Variants in RBFOX1 observed in about 807,000 individuals in gnomAD.
RBFOX1 encodes the protein RNA binding fox-1 homolog 1.
In RBFOX1, 8 loss-of-function variants were observed where a neutral mutation model predicts 57.7. That is an observed-to-expected ratio of 0.14 (90% CI 0.08 to 0.25). RBFOX1 has a LOEUF of 0.25. RBFOX1 is among the 10% of genes least tolerant of loss of function. RBFOX1 has a pLI of 1.00. For synonymous variants in RBFOX1, 326 were observed against 222.4 expected (o/e 1.47, Z -4.15); for missense variants, 611 against 548.5 (o/e 1.11, Z -1.14).
At chr16:6,686,259 G>C (rs574742812) in intron 3 of RBFOX1, among the ~76,000 whole-genome samples, 1 of 152,266 alleles carries the variant, frequency 6.6e-6, no homozygotes, top group South Asian at 2.1e-4. Context: ...ACAGTGGTCA[G>C]GGCCATTCAT....
At chr16:6,005,438 C>A (rs983004412) in intron 4 of RBFOX1, among the ~76,000 whole-genome samples, 1 of 152,156 alleles carries the variant, frequency 6.6e-6, no homozygotes, top group Non-Finnish European at 1.5e-5. Flanking sequence ...GTCCCTGCCC[C>A]CAAGGAGCTC....
At chr16:6,267,720 A>G (rs1049848733) in intron 1 of RBFOX1, among the ~76,000 whole-genome samples, 1 of 152,110 alleles carries the variant, frequency 6.6e-6, no homozygotes, top group Non-Finnish European at 1.5e-5. Flanking sequence ...CCTTTTTCCC[A>G]TGAAAGAGTC....
In RBFOX1 at chr16:6,715,686, G is replaced by C. The variant is rs4786923; in HGVS notation, c.-16+61036G>C. Among the ~76,000 whole-genome samples the C allele has an allele frequency of 7.2e-5, 11 of 152,104 alleles. No individual in the cohort carries two copies. The East Asian group carries it at 2.1e-3, about 29-fold the overall frequency. On this transcript the variant is annotated intron_variant, in intron 3 of 15. Transcript: ENST00000550418. ...AAACCCATTTCTTGAAGATGAAGCAGCCCACCTGGCCCAGAAATGCCTGGT... is the reference window on the plus strand; with the variant it reads ...AAACCCATTTCTTGAAGATGAAGCACCCCACCTGGCCCAGAAATGCCTGGT...
intron 2 of RBFOX1, among the ~76,000 whole-genome samples, chr16:6,522,076 G>C (rs2096511132): frequency 6.6e-6 from 1 of 151,844 alleles, no homozygotes; most frequent in Non-Finnish European, 1.5e-5. Context: ...CTTGCATCTA[G>C]AAAAACTGGC....
At chr16:5,299,997 A>G (rs1328584725) in intron 1 of RBFOX1, among the ~76,000 whole-genome samples, 2 of 151,688 alleles carry the variant, frequency 1.3e-5, no homozygotes, top group Admixed American at 6.6e-5. Flanking sequence ...TTTTATAAAA[A>G]TCATGAATGG....
intron 2 of RBFOX1, among the ~76,000 whole-genome samples, chr16:5,597,743 C>G (rs187892969): frequency 8.9e-4 from 135 of 152,128 alleles, no homozygotes; most frequent in African/African-American, 3.1e-3. Context: ...TTGATGGTGG[C>G]CAGCTTTAAC....
intron 1 of RBFOX1, among the ~76,000 whole-genome samples, chr16:6,090,589 A>G (rs1215033816): frequency 2.0e-5 from 3 of 152,226 alleles, no homozygotes; most frequent in Non-Finnish European, 4.4e-5. Context: ...ATGACTTTGT[A>G]GATCAATGAG....
At chr16:6,949,983 G>C (rs945797605) in intron 3 of RBFOX1, among the ~76,000 whole-genome samples, 2 of 150,238 alleles carry the variant, frequency 1.3e-5, no homozygotes, top group African/African-American at 4.9e-5. Context: ...GTCTTGCTCT[G>C]TTGCCCAGGC....
chr16:7,286,557 T>C (rs2095655442), intron 4 of RBFOX1, among the ~76,000 whole-genome samples: 1 of 150,696 alleles, frequency 6.6e-6, no homozygotes, highest in Admixed American at 6.7e-5. Flanking sequence ...CAAGCAACTT[T>C]CCCTGCCTCA....
At chr16:6,640,961 A>C (rs1375766749) in intron 2 of RBFOX1, among the ~76,000 whole-genome samples, 1 of 152,158 alleles carries the variant, frequency 6.6e-6, no homozygotes, top group African/African-American at 2.4e-5. Context: ...ATGCTACTCA[A>C]ATGGAAGGCC....
At chr16:7,615,101 A>G (rs1489778500) in intron 10 of RBFOX1, 2 of 152,298 alleles carry the variant, frequency 1.3e-5, no homozygotes, top group African/African-American at 4.8e-5. Flanking sequence ...TGGGAGGCCA[A>G]GGCGGGTGGA....
intron 4 of RBFOX1, among the ~76,000 whole-genome samples, chr16:6,000,088 T>G (rs2060570493): frequency 6.6e-6 from 1 of 151,960 alleles, no homozygotes; most frequent in Non-Finnish European, 1.5e-5. Flanking sequence ...GAGAAGGGTG[T>G]GTCTGCCAAG....
At position 6,874,836 on chromosome 16, in the gene RBFOX1, C is replaced by G. The variant is rs371499175; in HGVS notation, c.-15-177221C>G. ...CATACTGATTGGGTGATGGGTGCAT[C>G]AAAATCTCAGAAATGACACCCAATG... On this transcript the variant is annotated intron_variant, in intron 3 of 15. Transcript: ENST00000550418. Among the ~76,000 whole-genome samples, 5 of 152,186 alleles carry G rather than the reference C, an allele frequency of 3.3e-5. No homozygotes were observed. The South Asian group carries it at 8.3e-4, about 25-fold the overall frequency.
rs1042936292 is a variant in RBFOX1 at position 7,712,292 on chromosome 16, A to C, written c.*1547A>C. 2.6e-5 allele frequency: 4 copies of C among 152,752 alleles called. No individual in the cohort carries two copies. The highest frequency in any genetic ancestry group is 9.6e-5 in the African/African-American group (4 of 41,578). The allele number at this position is 152,752 out of a possible 1,614,324, so 9.5% of individuals were successfully genotyped here. ...CCATAGGTTAAGTCCTCATGTGTAC[A>C]GTGCAGGCCCTGTGGCCCGCACTTC... On this transcript the variant is annotated 3_prime_UTR_variant, in exon 16 of 16. Transcript: ENST00000550418.
At chr16:7,621,861 A>T (rs2059367871) in intron 10 of RBFOX1, among the ~76,000 whole-genome samples, 1 of 152,228 alleles carries the variant, frequency 6.6e-6, no homozygotes, top group Admixed American at 6.5e-5. Context: ...TCTGCAGGCC[A>T]TAAGGTCTCT....
At chr16:6,407,477 C>T (rs933108264) in intron 2 of RBFOX1, among the ~76,000 whole-genome samples, 3 of 151,496 alleles carry the variant, frequency 2.0e-5, no homozygotes, top group East Asian at 1.9e-4. Context: ...TTTATACACA[C>T]ACACATATAT....
At chr16:5,274,169 C>A (rs1378227635) in intron 1 of RBFOX1, among the ~76,000 whole-genome samples, 1 of 152,158 alleles carries the variant, frequency 6.6e-6, no homozygotes, top group African/African-American at 2.4e-5. Context: ...GCCTTGTGTT[C>A]TTCCTAATTT....
intron 3 of RBFOX1, among the ~76,000 whole-genome samples, chr16:5,612,729 G>T (rs1373947100): frequency 1.3e-5 from 2 of 152,328 alleles, no homozygotes; most frequent in Non-Finnish European, 2.9e-5. Flanking sequence ...CTAAAAGATA[G>T]CCAGAGTAGC....
intron 3 of RBFOX1, among the ~76,000 whole-genome samples, chr16:5,863,599 A>G (rs541117112): frequency 5.9e-5 from 9 of 152,304 alleles, no homozygotes; most frequent in African/African-American, 2.2e-4. Context: ...GAGTCTCTGA[A>G]TCTAATATAA....
Sources: allele counts gnomAD v4.1 joint callset (sites outside exome capture counted in the v4.1 genomes callset), GRCh38; gene constraint gnomAD v4.1.1; transcripts MANE v1.5; gene names NCBI Gene and HGNC (gene_info 2026-07-23, HGNC 2026-07-21).